Variants in NRXN3 observed in about 807,000 individuals in gnomAD.
NRXN3 encodes the protein neurexin 3.
NRXN3 carries 32 observed loss-of-function variants against 137.6 expected under a neutral mutation model. The ratio of observed to expected loss-of-function variants is 0.23; its 90% CI spans 0.18 to 0.31. The LOEUF is 0.31. NRXN3 is among the 10% of genes least tolerant of loss of function. The pLI is 1.00. For missense variants in NRXN3, 1,574 were observed against 2,062.5 expected (o/e 0.76, Z 4.59); for synonymous variants, 798 against 784.5 (o/e 1.02, Z -0.29).
At chr14:78,266,402 A>C (rs1967433) in intron 2 of NRXN3, among the ~76,000 whole-genome samples, 4 of 151,972 alleles carry the variant, frequency 2.6e-5, no homozygotes. Flanking sequence ...TGGTTCAAGC[A>C]ATTCTTCCAC....
In NRXN3 at chr14:79,116,359, C is replaced by T. The variant is rs376712011; in HGVS notation, c.3262+128218C>T. ...GGCATCTGCAGACCTCTAACTCTCT[C>T]CTGCATGCCCTTTCTCTTTCATAGC... On this transcript the variant is annotated intron_variant, in intron 15 of 20. Transcript: ENST00000335750. Among the ~76,000 whole-genome samples the T allele has an allele frequency of 1.2e-4, 18 of 152,306 alleles. 1 individual carries two copies. The highest frequency in any genetic ancestry group is 9.7e-4 in the East Asian group (5 of 5,180).
At chr14:79,565,234 CATAT>C (rs142510605) in intron 16 of NRXN3, among the ~76,000 whole-genome samples, 1 of 119,760 alleles carries the variant, frequency 8.4e-6, no homozygotes, top group Non-Finnish European at 1.8e-5. Flanking sequence ...TGTATATATA[CATAT>C]ATGTGTGTGT....
At chr14:78,299,175 G>A (rs1322785691) in intron 4 of NRXN3, among the ~76,000 whole-genome samples, 1 of 152,180 alleles carries the variant, frequency 6.6e-6, no homozygotes, top group East Asian at 1.9e-4. Flanking sequence ...AATAGAACTG[G>A]GAGAGGAGAT....
chr14:79,009,708 G>T (rs2099567894), intron 15 of NRXN3, among the ~76,000 whole-genome samples: 1 of 152,080 alleles, frequency 6.6e-6, no homozygotes, highest in South Asian at 2.1e-4. Context: ...AACAGAAAAG[G>T]GTAGTTTGAG....
At chr14:78,532,150 C>A (rs867959383) in intron 4 of NRXN3, among the ~76,000 whole-genome samples, 230 of 121,172 alleles carry the variant, frequency 1.9e-3, no homozygotes, top group Non-Finnish European at 2.2e-3. Context: ...ACTAAAAATA[C>A]AAAAAAAAAA....
chr14:79,779,295 T>C (rs2099106695), intron 19 of NRXN3, among the ~76,000 whole-genome samples: 1 of 152,034 alleles, frequency 6.6e-6, no homozygotes, highest in African/African-American at 2.4e-5. Flanking sequence ...GTATTTTTAG[T>C]AGAGACAGGG....
At chr14:79,047,066 G>T (rs1476704875) in intron 15 of NRXN3, among the ~76,000 whole-genome samples, 1 of 151,100 alleles carries the variant, frequency 6.6e-6, no homozygotes, top group Non-Finnish European at 1.5e-5. Context: ...TATGTAATAA[G>T]TGTTCCCAAT....
At chr14:78,336,122 T>C (rs1177242751) in intron 4 of NRXN3, among the ~76,000 whole-genome samples, 2 of 152,008 alleles carry the variant, frequency 1.3e-5, no homozygotes, top group Non-Finnish European at 2.9e-5. Context: ...AGGTTTGGAG[T>C]TGTGGCCAGG....
At chr14:78,877,613 C>G (rs2099116897) in intron 10 of NRXN3, among the ~76,000 whole-genome samples, 1 of 152,162 alleles carries the variant, frequency 6.6e-6, no homozygotes, top group African/African-American at 2.4e-5. Context: ...TGTAATAATG[C>G]TCAACAAATA....
At chr14:79,856,300 A>G (rs894868507) in intron 20 of NRXN3, among the ~76,000 whole-genome samples, 16 of 152,176 alleles carry the variant, frequency 1.1e-4, no homozygotes, top group Non-Finnish European at 2.4e-4. Flanking sequence ...CATGGTTACA[A>G]GCTTTATGAT....
At chr14:79,265,087 GA>G (rs921699377) in intron 15 of NRXN3, among the ~76,000 whole-genome samples, 1 of 151,960 alleles carries the variant, frequency 6.6e-6, no homozygotes, top group Non-Finnish European at 1.5e-5. Context: ...AGTTAAGATG[GA>G]AAAAATTTTA....
chr14:78,410,054 A>G (rs994196776), intron 4 of NRXN3, among the ~76,000 whole-genome samples: 1 of 152,162 alleles, frequency 6.6e-6, no homozygotes, highest in Non-Finnish European at 1.5e-5. Flanking sequence ...GCTTCTGTCT[A>G]GGGGGAGATA....
intron 15 of NRXN3, among the ~76,000 whole-genome samples, chr14:79,094,979 A>AGAGAGTGTGTGTGTGTGT (rs553957969): frequency 0.012 from 1,378 of 115,798 alleles, 27 homozygotes; most frequent in African/African-American, 0.042. Flanking sequence ...AGAGAGAGAG[A>AGAGAGTGTGTGTGTGTGT]GTGTGTGTGT....
intron 17 of NRXN3, among the ~76,000 whole-genome samples, chr14:79,680,272 G>A (rs917499061): frequency 3.3e-5 from 5 of 152,196 alleles, no homozygotes; most frequent in African/African-American, 7.2e-5. Context: ...CTATTTGGGC[G>A]GCTGAGGCAG....
chr14:79,469,005 C>G (rs1185978112), intron 16 of NRXN3, among the ~76,000 whole-genome samples: 1 of 152,166 alleles, frequency 6.6e-6, no homozygotes, highest in African/African-American at 2.4e-5. Context: ...TTTATTTGGC[C>G]TCTAAGAACC....
intron 16 of NRXN3, among the ~76,000 whole-genome samples, chr14:79,580,135 T>C (rs2097700861): frequency 6.6e-6 from 1 of 152,242 alleles, no homozygotes; most frequent in Admixed American, 6.5e-5. Flanking sequence ...TCCTTTTTTA[T>C]GGCCAAATAG....
At chr14:79,760,252 T>C (rs549937848) in intron 19 of NRXN3, among the ~76,000 whole-genome samples, 11 of 151,628 alleles carry the variant, frequency 7.3e-5, no homozygotes, top group Non-Finnish European at 1.5e-4. Context: ...GACCCAGTGA[T>C]AGTTAGAAAG....
At chr14:79,601,382 A>G (rs995681155) in intron 16 of NRXN3, among the ~76,000 whole-genome samples, 3 of 152,178 alleles carry the variant, frequency 2.0e-5, no homozygotes, top group East Asian at 1.9e-4. Context: ...TCTCCAAGCT[A>G]TCTATATGAG....
chr14:79,538,608 T>A (rs1266849138), intron 16 of NRXN3, among the ~76,000 whole-genome samples: 1 of 152,216 alleles, frequency 6.6e-6, no homozygotes, highest in Non-Finnish European at 1.5e-5. Flanking sequence ...CTTGTGAATT[T>A]GTTTACGTTC....
Sources: gnomAD v4.1 joint callset for allele counts (sites outside exome capture counted in the v4.1 genomes callset) on GRCh38, gnomAD v4.1.1 for gene constraint, MANE v1.5 for transcripts, NCBI Gene and HGNC (gene_info 2026-07-23, HGNC 2026-07-21) for gene names.